Variants in MAP2K1 observed in about 807,000 individuals in gnomAD.
The protein encoded by MAP2K1 is dual specificity mitogen-activated protein kinase kinase 1.
Under a neutral mutation model 46.3 loss-of-function variants are expected in MAP2K1, and 16 were observed. The observed-to-expected ratio is 0.35, with a 90% confidence interval of 0.23 to 0.52. The LOEUF (loss-of-function observed/expected upper bound fraction) is 0.52, where lower values mean the gene tolerates loss of function less well. Among genes scored for constraint, MAP2K1 ranks in the 20% least tolerant of loss-of-function variants. MAP2K1 has a pLI of 0.94. For missense variants in MAP2K1, 263 were observed against 497.1 expected, an observed-to-expected ratio of 0.53 and a Z score of 4.48; for synonymous variants, 183 against 185.6, an observed-to-expected ratio of 0.99 and a Z score of 0.11.
At chr15:66,437,375 A>G (rs561818969) in intron 3 of MAP2K1, among the ~76,000 whole-genome samples, 1 of 152,324 alleles carries the variant, frequency 6.6e-6, no homozygotes, top group East Asian at 1.9e-4. Flanking sequence ...GGGCTAATTA[A>G]TCATATGCAT....
In MAP2K1 at chr15:66,485,160, C is replaced by T. The variant is rs776361123; in HGVS notation, c.864C>T (p.Pro288=). ...QVEGDAAETP[P]RPRTPGRPLS... ...AAGGAGATGCGGCTGAGACCCCACC[C>T]AGGCCAAGGACCCCCGGGAGGCCCC... Residue 288 remains proline (P), a synonymous_variant, in exon 7 of 11, where the codon CCC becomes CCT. Coordinates refer to ENST00000307102, the MANE Select transcript of MAP2K1 (RefSeq NM_002755.4). 7.4e-6 allele frequency: 12 copies of T among 1,613,886 alleles called. No individual in the cohort carries two copies. In the South Asian group the frequency reaches 1.2e-4, roughly 16 times the overall value.
chr15:66,402,990 G>A (rs1566996829), intron 1 of MAP2K1, among the ~76,000 whole-genome samples: 1 of 152,172 alleles, frequency 6.6e-6, no homozygotes, highest in Admixed American at 6.5e-5. Context: ...AAAGGAAGCA[G>A]CTGCCCAGAT....
intron 1 of MAP2K1, among the ~76,000 whole-genome samples, chr15:66,408,338 T>A (rs558552876): frequency 6.6e-6 from 1 of 152,278 alleles, no homozygotes; most frequent in Non-Finnish European, 1.5e-5. Flanking sequence ...TTTTAGGATG[T>A]GCAGGAAGCA....
At chr15:66,395,721 C>T (rs1038910843) in intron 1 of MAP2K1, among the ~76,000 whole-genome samples, 27 of 150,532 alleles carry the variant, frequency 1.8e-4, no homozygotes, top group Admixed American at 1.1e-3. Flanking sequence ...GGATTACAGG[C>T]GCACACCACC....
In MAP2K1 at chr15:66,420,821, ATATATATG is replaced by A. The variant is rs1567003165; in HGVS notation, c.81-14204_81-14197del. 2.4e-4 allele frequency among the ~76,000 whole-genome samples: 26 copies of A among 109,288 alleles called. 1 individual carries two copies. The highest frequency in any genetic ancestry group is 1.3e-3 in the South Asian group (4 of 3,046). The allele number at this position is 109,288 out of a possible 152,430, so 71.7% of individuals were successfully genotyped here. A position where few individuals can be genotyped will look rare whatever the true frequency, so the allele number is the denominator to read the frequency against. ...TATATATGTGTATATATATGTGTAT[ATATATATG>A]TGTATATATATGTGTGTATATATAT... On this transcript the variant is annotated intron_variant, in intron 1 of 10. Coordinates refer to ENST00000307102, the MANE Select transcript of MAP2K1 (RefSeq NM_002755.4).
chr15:66,471,474 G>A (rs531800362), intron 5 of MAP2K1, among the ~76,000 whole-genome samples: 6 of 152,164 alleles, frequency 3.9e-5, no homozygotes, highest in Non-Finnish European at 5.9e-5. Flanking sequence ...GCTAGTAGAT[G>A]ATAGAGCTAG....
intron 2 of MAP2K1, among the ~76,000 whole-genome samples, chr15:66,435,683 T>A (rs1408260378): frequency 1.3e-5 from 2 of 152,204 alleles, no homozygotes; most frequent in Non-Finnish European, 2.9e-5. Flanking sequence ...ATAAACACAC[T>A]AATGACTGTG....
chr15:66,445,290 G>A (rs961759705), intron 5 of MAP2K1, among the ~76,000 whole-genome samples: 7 of 152,168 alleles, frequency 4.6e-5, no homozygotes, highest in African/African-American at 1.4e-4. Context: ...TACTTGGGAG[G>A]CTGAGGCAGG....
Position 66,420,827 on chromosome 15 carries a change from A to G in MAP2K1, c.81-14200A>G, listed in dbSNP as rs373007967. Reference sequence around the variant, plus strand: ...TGTGTATATATATGTGTATATATATATGTGTATATATATGTGTGTATATAT... The same window carrying G: ...TGTGTATATATATGTGTATATATATGTGTGTATATATATGTGTGTATATAT... On this transcript the variant is annotated intron_variant, in intron 1 of 10. Coordinates refer to ENST00000307102, the MANE Select transcript of MAP2K1 (RefSeq NM_002755.4). 5.0e-4 allele frequency among the ~76,000 whole-genome samples: 35 copies of G among 70,342 alleles called. 1 individual carries two copies. The highest frequency in any genetic ancestry group is 1.1e-3 in the African/African-American group (30 of 26,114). The allele number at this position is 70,342 out of a possible 152,430, so 46.1% of individuals were successfully genotyped here.
At chr15:66,431,590 AT>A (rs1393452541) in intron 1 of MAP2K1, among the ~76,000 whole-genome samples, 1 of 152,182 alleles carries the variant, frequency 6.6e-6, no homozygotes, top group African/African-American at 2.4e-5. Context: ...TGTGTCAAAA[AT>A]TTCTTGCTTC....
intron 1 of MAP2K1, among the ~76,000 whole-genome samples, chr15:66,389,572 G>GTTTTTTTT (rs375412152): frequency 2.3e-5 from 2 of 86,960 alleles, no homozygotes; most frequent in African/African-American, 9.4e-5. Flanking sequence ...CTCTGTTGTG[G>GTTTTTTTT]TTTTTTTTTT....
In MAP2K1 at chr15:66,435,144, C is replaced by G. The variant is rs56200325; in HGVS notation, c.198C>G (p.Asp66Glu). ...QKQKVGELKD[D>E]DFEKISELGA... is the part of the protein sequence containing the mutation. ...AGAAGGTGGGAGAACTGAAGGATGA[C>G]GACTTTGAGAAGATCAGTGAGCTGG... is the stretch of plus-strand genomic sequence containing the variant. The change falls in exon 2 of 11, where the codon GAC (aspartate) becomes GAG (glutamate). Residue 66 changes from aspartate to glutamate, a missense_variant. Asp to Glu is a conservative substitution (Grantham distance 45). This residue lies in a region of MAP2K1 where 103 missense variants were observed against 221.6 expected (regional missense o/e 0.46). Coordinates refer to ENST00000307102, the MANE Select transcript of MAP2K1 (RefSeq NM_002755.4). 1 of 1,614,068 alleles carries G rather than the reference C, an allele frequency of 6.2e-7. No homozygotes were observed. The highest frequency in any genetic ancestry group is 8.5e-7 in the Non-Finnish European group (1 of 1,179,988).
chr15:66,436,067 A>G (rs945152404), intron 2 of MAP2K1, among the ~76,000 whole-genome samples: 2 of 152,090 alleles, frequency 1.3e-5, no homozygotes, highest in Admixed American at 6.6e-5. Context: ...TCCTGTGCCC[A>G]TAATTTTTTT....
At chr15:66,409,445 A>T (rs1347029626) in intron 1 of MAP2K1, among the ~76,000 whole-genome samples, 1 of 152,082 alleles carries the variant, frequency 6.6e-6, no homozygotes, top group Non-Finnish European at 1.5e-5. Context: ...CTGCATACTT[A>T]TCCCTAGCAA....
Position 66,435,346 on chromosome 15 carries a change from T to G in MAP2K1, c.291+109T>G. The stretch of plus-strand genomic sequence containing the variant: ...TTTTACTCAATACCTTTTTGTGCTG[T>G]TTGAATTTTTTTTTTTTTTTAAGAC... On this transcript the variant is annotated intron_variant, in intron 2 of 10. Coordinates refer to ENST00000307102, the MANE Select transcript of MAP2K1 (RefSeq NM_002755.4). 3 of 818,472 alleles carry G rather than the reference T, an allele frequency of 3.7e-6. No homozygotes were observed. In the South Asian group the frequency reaches 4.7e-5, roughly 13 times the overall value. 50.7% of individuals were successfully genotyped at this position (818,472 alleles called of 1,614,324 possible). A position where few individuals can be genotyped will look rare whatever the true frequency, so the allele number is the denominator to read the frequency against.
chr15:66,447,590 C>T (rs966986417), intron 5 of MAP2K1, among the ~76,000 whole-genome samples: 1 of 149,998 alleles, frequency 6.7e-6, no homozygotes, highest in African/African-American at 2.5e-5. Flanking sequence ...ACTCAGGAGG[C>T]TTAGGCAAGA....
chr15:66,413,052 C>A (rs1022381955), intron 1 of MAP2K1, among the ~76,000 whole-genome samples: 2 of 152,068 alleles, frequency 1.3e-5, no homozygotes, highest in Admixed American at 6.6e-5. Flanking sequence ...CTCGCCACCA[C>A]GCCCAGCTAA....
At position 66,443,276 on chromosome 15, in the gene MAP2K1, T is replaced by G. The variant is rs1891771270; in HGVS notation, c.439-4T>G. On this transcript the variant is annotated splice_region_variant and splice_polypyrimidine_tract_variant and intron_variant, in intron 3 of 10. Coordinates refer to ENST00000307102, the MANE Select transcript of MAP2K1 (RefSeq NM_002755.4). ...ACTAACTGGTCTGGTATTCTCGATC[T>G]TAGGATGGAGGTTCTCTGGATCAAG... 1 of 1,597,244 alleles carries G rather than the reference T, an allele frequency of 6.3e-7. No homozygotes were observed. The highest frequency in any genetic ancestry group is 1.1e-5 in the South Asian group (1 of 90,756).
At chr15:66,454,601 C>T (rs991971870) in intron 5 of MAP2K1, among the ~76,000 whole-genome samples, 14 of 152,144 alleles carry the variant, frequency 9.2e-5, no homozygotes, top group Non-Finnish European at 1.8e-4. Context: ...TTAGAAGGAT[C>T]TGGCTGGGAG....
Sources: gnomAD v4.1 joint callset for allele counts (sites outside exome capture counted in the v4.1 genomes callset) on GRCh38, gnomAD v4.1.1 for gene constraint, gnomAD v4.1.1 regional missense constraint, MANE v1.5 for transcripts, NCBI Gene and HGNC (gene_info 2026-07-23, HGNC 2026-07-21) for gene names.